SPEF2: variants seen among roughly 807,000 people sequenced by gnomAD.
The protein encoded by SPEF2 is sperm flagella and cilia-associated protein 2.
In SPEF2, 187 loss-of-function variants were observed where a neutral mutation model predicts 224.6. The observed-to-expected ratio is 0.83, with a 90% confidence interval of 0.74 to 0.94. The LOEUF (loss-of-function observed/expected upper bound fraction) is 0.94, where lower values mean the gene tolerates loss of function less well. Ranked by LOEUF, SPEF2 falls within the 40% of genes least tolerant of loss-of-function variation. The pLI is 0.00. For synonymous variants in SPEF2, 715 were observed against 707.3 expected (o/e 1.01, Z -0.17); for missense variants, 2,170 against 2,135.6 (o/e 1.02, Z -0.32).
chr5:35,779,377 C>CA, intron 30 of SPEF2, 31 bp downstream of exon 30: 2 of 1,524,438 alleles, frequency 1.3e-6, no homozygotes, highest in Non-Finnish European at 1.8e-6. Flanking sequence ...GAAAAGAGCA[C>CA]AAAAAAAGGT....
Position 35,800,021 on chromosome 5 carries a change from C to T in SPEF2, c.4884C>T (p.Tyr1628=). 6.2e-7 allele frequency: 1 copy of T among 1,614,138 alleles called. No individual in the cohort carries two copies. The highest frequency in any genetic ancestry group is 8.5e-7 in the Non-Finnish European group (1 of 1,180,022). Residue 1628 remains tyrosine (Y), a synonymous_variant, in exon 34 of 37, where the codon TAC becomes TAT. Coordinates refer to ENST00000356031, the MANE Select transcript of SPEF2 (RefSeq NM_024867.4). ...DYEKDPPQLD[Y]TQMLLYFACH... is the part of the protein sequence containing the mutation. ...AGAAGGATCCACCCCAGCTTGACTA[C>T]ACACAGATGCTGCTTTACTTTGCTT...
Position 35,628,467 on chromosome 5 carries a change from G to C in SPEF2, c.66G>C (p.Lys22Asn). Residue 22 changes from lysine to asparagine, a missense_variant, in exon 2 of 37, where the codon AAG becomes AAC. Lys to Asn is a moderately conservative substitution (Grantham distance 94). Coordinates refer to ENST00000356031, the MANE Select transcript of SPEF2 (RefSeq NM_024867.4). ...CAATGTTTTGAAACTCAGGTCCCAAGTCATTTGCAAAGGCATTTTCCAGTG... is the reference window on the plus strand; with the variant it reads ...CAATGTTTTGAAACTCAGGTCCCAACTCATTTGCAAAGGCATTTTCCAGTG... The part of the protein sequence containing the change: ...ELKVSRTVSP[K>N]SFAKAFSSGY... 6.2e-7 allele frequency: 1 copy of C among 1,611,772 alleles called. No individual in the cohort carries two copies. Among genetic ancestry groups the C allele is most frequent in the South Asian group, 1.1e-5 (1 of 90,956 alleles).
chr5:35,655,477 G>T (rs1166346215), intron 7 of SPEF2, among the ~76,000 whole-genome samples: 2 of 152,216 alleles, frequency 1.3e-5, no homozygotes, highest in Non-Finnish European at 2.9e-5. Flanking sequence ...AAGTACATTG[G>T]AGTGTGAAAG....
At chr5:35,727,559 T>C in intron 20 of SPEF2, 116 bp from the exon 21 acceptor site, 1 of 837,016 alleles carries the variant, frequency 1.2e-6, no homozygotes, top group East Asian at 2.7e-5. Flanking sequence ...TCAAAAAAGC[T>C]TAAAAAGTAG....
At chr5:35,735,477 A>G (rs1746430001) in intron 21 of SPEF2, among the ~76,000 whole-genome samples, 2 of 152,248 alleles carry the variant, frequency 1.3e-5, no homozygotes, top group Admixed American at 6.5e-5. Context: ...AAAGTTTTCC[A>G]GTAACATGAG....
chr5:35,785,091 A>G (rs987107788), intron 30 of SPEF2, among the ~76,000 whole-genome samples: 5 of 152,268 alleles, frequency 3.3e-5, no homozygotes, highest in Non-Finnish European at 4.4e-5. Flanking sequence ...CCAAATCAAG[A>G]AGTACAGAAA....
chr5:35,628,430 T>C, intron 1 of SPEF2, 30 bp from the exon 2 acceptor site: 1 of 1,438,930 alleles, frequency 6.9e-7, no homozygotes, highest in Non-Finnish European at 9.8e-7. Flanking sequence ...ATTGTATTCA[T>C]GGTTTTTATC....
intron 31 of SPEF2, among the ~76,000 whole-genome samples, chr5:35,792,767 A>T (rs1293289037): frequency 6.6e-6 from 1 of 152,252 alleles, no homozygotes; most frequent in Non-Finnish European, 1.5e-5. Flanking sequence ...CTTGCTTTTC[A>T]TCATAACATT....
At chr5:35,682,589 GATTAT>G (rs151067001) in intron 10 of SPEF2, among the ~76,000 whole-genome samples, 1,664 of 152,274 alleles carry the variant, frequency 0.011, 26 homozygotes, top group East Asian at 0.065. Flanking sequence ...ACAAACACTG[GATTAT>G]ATGTACCTTC....
chr5:35,802,246 A>G (rs1757522236), intron 34 of SPEF2, among the ~76,000 whole-genome samples: 2 of 152,164 alleles, frequency 1.3e-5, no homozygotes, highest in African/African-American at 4.8e-5. Context: ...TCCAAGGCCT[A>G]CAACAATGCC....
chr5:35,648,569 A>G (rs1358879019), intron 5 of SPEF2, among the ~76,000 whole-genome samples: 1 of 151,948 alleles, frequency 6.6e-6, no homozygotes, highest in African/African-American at 2.4e-5. Context: ...CAAGCAAACC[A>G]CTGGCCTTGA....
chr5:35,708,597 C>T (rs1287979627), intron 18 of SPEF2, among the ~76,000 whole-genome samples: 4 of 152,236 alleles, frequency 2.6e-5, no homozygotes, highest in Admixed American at 6.5e-5. Flanking sequence ...CCACCATCCC[C>T]ACCACAGACT....
intron 29 of SPEF2, among the ~76,000 whole-genome samples, chr5:35,777,911 A>T (rs540353275): frequency 9.2e-5 from 14 of 152,214 alleles, no homozygotes; most frequent in African/African-American, 3.4e-4. Flanking sequence ...GTCTCAATCC[A>T]CATTTGGAGT....
chr5:35,788,460 G>C (rs1200349208), intron 30 of SPEF2: 2 of 702,680 alleles, frequency 2.8e-6, no homozygotes, highest in Non-Finnish European at 5.2e-6. Context: ...TCTGTCATCA[G>C]TGATGGAATC....
chr5:35,804,020 G>A (rs972845902), intron 34 of SPEF2, among the ~76,000 whole-genome samples: 8 of 152,044 alleles, frequency 5.3e-5, no homozygotes, highest in Non-Finnish European at 7.3e-5. Context: ...CCTGTGTGGC[G>A]TGGGGTTAGT....
At chr5:35,794,531 C>G (rs942909555) in intron 32 of SPEF2, among the ~76,000 whole-genome samples, 1 of 152,100 alleles carries the variant, frequency 6.6e-6, no homozygotes, top group Non-Finnish European at 1.5e-5. Flanking sequence ...ATTTATTTTC[C>G]AAGTAGATTT....
At chr5:35,619,420 C>T (rs948740744) in intron 1 of SPEF2, among the ~76,000 whole-genome samples, 5 of 152,150 alleles carry the variant, frequency 3.3e-5, no homozygotes, top group African/African-American at 4.8e-5. Flanking sequence ...CGGTGGCTCA[C>T]GCCTGTAATG....
chr5:35,760,691 A>G (rs542957505), intron 25 of SPEF2, among the ~76,000 whole-genome samples: 7 of 152,272 alleles, frequency 4.6e-5, no homozygotes, highest in African/African-American at 1.2e-4. Context: ...TGTAGATCCA[A>G]TGGGTAGGGG....
Position 35,753,710 on chromosome 5 carries a change from G to T in SPEF2, c.3417G>T (p.Trp1139Cys), listed in dbSNP as rs1750031177. 6.2e-7 allele frequency: 1 copy of T among 1,613,960 alleles called. No individual in the cohort carries two copies. The highest frequency in any genetic ancestry group is 1.3e-5 in the African/African-American group (1 of 74,896). The change falls in exon 24 of 37, where the codon TGG becomes TGT. Residue 1139 changes from tryptophan to cysteine, a missense_variant. Transcript: ENST00000356031. ...GGCTTGACATCATTAATGAGAGCTG[G>T]TTACAGGACACTCTTGGAATGACAA... is the stretch of plus-strand genomic sequence containing the variant. ...QERLDIINES[W>C]LQDTLGMTMN...
Sources: allele counts gnomAD v4.1 joint callset (sites outside exome capture counted in the v4.1 genomes callset), GRCh38; gene constraint gnomAD v4.1.1; transcripts MANE v1.5; gene names NCBI Gene and HGNC (gene_info 2026-07-23, HGNC 2026-07-21).